GALNT5: variants seen among roughly 807,000 people sequenced by gnomAD.
GALNT5 encodes the protein UDP-GalNAc:polypeptide N-acetylgalactosaminyltransferase 5.
A neutral mutation model predicts 85.4 loss-of-function variants in GALNT5; 72 were observed. The ratio of observed to expected loss-of-function variants is 0.84; its 90% confidence interval spans 0.70 to 1.03. The LOEUF is 1.03. GALNT5 is among the 50% of genes least tolerant of loss of function. The pLI, the probability that GALNT5 is intolerant of heterozygous loss-of-function variation, is 0.00. For synonymous variants in GALNT5, 404 were observed against 397.0 expected, an observed-to-expected ratio of 1.02 and a Z score of -0.21; for missense variants, 1,137 against 1,135.5, an observed-to-expected ratio of 1.00 and a Z score of -0.02.
At chr2:157,272,748 T>C (rs1682618133) in intron 1 of GALNT5, among the ~76,000 whole-genome samples, 1 of 152,242 alleles carries the variant, frequency 6.6e-6, no homozygotes, top group Non-Finnish European at 1.5e-5. Flanking sequence ...ATGATATATA[T>C]GTATCACATT....
At chr2:157,304,267 C>T (rs1683407720) in intron 7 of GALNT5, among the ~76,000 whole-genome samples, 1 of 152,174 alleles carries the variant, frequency 6.6e-6, no homozygotes, top group Non-Finnish European at 1.5e-5. Context: ...TGAGCTGTCT[C>T]CTCCCATATT....
Position 157,308,733 on chromosome 2 carries a change from G to A in GALNT5, c.2682+5G>A. 1 of 1,605,004 alleles carries A rather than the reference G, an allele frequency of 6.2e-7. No individual in the cohort carries two copies. Among genetic ancestry groups the A allele is most frequent in the Non-Finnish European group, 8.5e-7 (1 of 1,176,350 alleles). On this transcript the variant is annotated splice_donor_5th_base_variant and intron_variant, in intron 9 of 9. Transcript: ENST00000259056. ...TCAGTCTTTCATCCAGAACTGGTAAGCAAAAGATTGGTACCTCTTCTTTAC... is the reference window on the plus strand; with the variant it reads ...TCAGTCTTTCATCCAGAACTGGTAAACAAAAGATTGGTACCTCTTCTTTAC...
At position 157,311,223 on chromosome 2, in the gene GALNT5, T is replaced by C; in HGVS notation, c.2698T>C (p.Phe900Leu). The stretch of plus-strand genomic sequence containing the variant: ...TTCTCTCCAGGTGAATCACATTGTT[T>C]TTGAAAACAATCAGCAATTATTATG... ...FHPELVNHIV[F>L]ENNQQLLCLE... The change falls in exon 10 of 10, where the codon TTT becomes CTT. Residue 900 changes from phenylalanine (F) to leucine (L), a missense_variant. Phe to Leu is a conservative substitution (Grantham distance 22). Coordinates refer to ENST00000259056, the MANE Select transcript of GALNT5 (RefSeq NM_014568.3). 5 of 1,611,134 alleles carry C rather than the reference T, an allele frequency of 3.1e-6. No individual in the cohort carries two copies. The highest frequency in any genetic ancestry group is 4.2e-6 in the Non-Finnish European group (5 of 1,178,206).
At chr2:157,291,626 A>ACC (rs1426477777) in intron 3 of GALNT5, among the ~76,000 whole-genome samples, 12 of 67,394 alleles carry the variant, frequency 1.8e-4, no homozygotes, top group South Asian at 7.8e-4. Context: ...GTTTTATGTT[A>ACC]CCACCCACCC....
intron 8 of GALNT5, among the ~76,000 whole-genome samples, chr2:157,306,434 C>T (rs765253109): frequency 1.3e-5 from 2 of 152,132 alleles, no homozygotes; most frequent in African/African-American, 2.4e-5. Flanking sequence ...AAACTCAGAG[C>T]GCAATGGTTA....
intron 7 of GALNT5, among the ~76,000 whole-genome samples, chr2:157,302,796 T>C (rs1192232443): frequency 6.6e-6 from 1 of 152,198 alleles, no homozygotes; most frequent in Non-Finnish European, 1.5e-5. Flanking sequence ...CGCTATACTA[T>C]ATCAAAATGC....
At chr2:157,259,685 C>A in intron 1 of GALNT5, 149 bp downstream of exon 1, 2 of 569,108 alleles carry the variant, frequency 3.5e-6, no homozygotes, top group Non-Finnish European at 5.4e-6. Flanking sequence ...AATATTTCAC[C>A]AGCTACAGAG....
intron 1 of GALNT5, among the ~76,000 whole-genome samples, chr2:157,271,507 G>A (rs1682584400): frequency 6.6e-6 from 1 of 152,214 alleles, no homozygotes. Context: ...ATGCTCAAGA[G>A]CTAGGGGAGG....
intron 1 of GALNT5, among the ~76,000 whole-genome samples, chr2:157,281,327 A>G (rs972474054): frequency 6.6e-6 from 1 of 152,208 alleles, no homozygotes; most frequent in African/African-American, 2.4e-5. Flanking sequence ...GGCCTCCCAG[A>G]GTGCTGGGAT....
At position 157,296,402 on chromosome 2, in the gene GALNT5, C is replaced by G. The variant is rs1415536033; in HGVS notation, c.1886C>G (p.Thr629Arg). ...VINDKDMSYM[T>R]VDNFQRGIFV... Reference sequence around the variant, plus strand: ...TTCATTTCCTGGATTAGTTACATGACAGTGGATAACTTTCAAAGAGGCATC... The same window carrying G: ...TTCATTTCCTGGATTAGTTACATGAGAGTGGATAACTTTCAAAGAGGCATC... The change falls in exon 5 of 10, where the codon ACA becomes AGA. Residue 629 changes from threonine (T) to arginine (R), a missense_variant. Thr to Arg is a moderately conservative substitution (Grantham distance 71, BLOSUM62 -1). Coordinates refer to ENST00000259056, the MANE Select transcript of GALNT5 (RefSeq NM_014568.3). 1.2e-6 allele frequency: 2 copies of G among 1,608,116 alleles called. No homozygotes were observed. Among genetic ancestry groups the G allele is most frequent in the East Asian group, 2.2e-5 (1 of 44,788 alleles).
At chr2:157,303,597 A>T (rs758464751) in intron 7 of GALNT5, among the ~76,000 whole-genome samples, 3 of 152,212 alleles carry the variant, frequency 2.0e-5, no homozygotes, top group Non-Finnish European at 4.4e-5. Context: ...GAAATGAAGA[A>T]TAACAATTCC....
At chr2:157,270,212 C>A (rs997328338) in intron 1 of GALNT5, among the ~76,000 whole-genome samples, 5 of 152,160 alleles carry the variant, frequency 3.3e-5, no homozygotes, top group African/African-American at 1.2e-4. Flanking sequence ...CTCTTTCTAC[C>A]TCATGTGCTC....
At chr2:157,278,712 G>T (rs192502890) in intron 1 of GALNT5, among the ~76,000 whole-genome samples, 28 of 152,222 alleles carry the variant, frequency 1.8e-4, no homozygotes, top group Non-Finnish European at 1.8e-4. Flanking sequence ...TTAGCCATTC[G>T]TCTAGTGTTT....
At chr2:157,260,471 T>C (rs894754358) in intron 1 of GALNT5, among the ~76,000 whole-genome samples, 4 of 152,200 alleles carry the variant, frequency 2.6e-5, no homozygotes, top group African/African-American at 7.2e-5. Flanking sequence ...TCAAATATAA[T>C]TGGGTTCCTG....
At chr2:157,294,849 C>T (rs1312944973) in intron 3 of GALNT5, among the ~76,000 whole-genome samples, 1 of 150,898 alleles carries the variant, frequency 6.6e-6, no homozygotes, top group East Asian at 1.9e-4. Flanking sequence ...TCCTCTGGAG[C>T]AATGTAGATG....
chr2:157,292,795 T>C lies in GALNT5; in HGVS notation c.1742-2868T>C, dbSNP rs1240237754. On this transcript the variant is annotated intron_variant, in intron 3 of 9. Transcript: ENST00000259056. ...ATCTCTGCTCACTGCAACCTCCGCC[T>C]CCTGGGTTCAAGTGATTCTCCTGCC... is the stretch of plus-strand genomic sequence containing the variant. Among the ~76,000 whole-genome samples the C allele has an allele frequency of 2.6e-5, 4 of 152,044 alleles. No homozygotes were observed. In the East Asian group the frequency reaches 7.7e-4, roughly 29 times the overall value.
chr2:157,281,362 T>A (rs1369715671), intron 1 of GALNT5, among the ~76,000 whole-genome samples: 1 of 152,186 alleles, frequency 6.6e-6, no homozygotes. Context: ...CAGGTGGATT[T>A]CTTTGTAGCA....
chr2:157,272,878 T>C (rs912855944), intron 1 of GALNT5, among the ~76,000 whole-genome samples: 9 of 152,210 alleles, frequency 5.9e-5, no homozygotes, highest in African/African-American at 1.9e-4. Context: ...TACCTAGTAA[T>C]TGGATTGCTT....
chr2:157,274,180 C>T (rs556891878), intron 1 of GALNT5, among the ~76,000 whole-genome samples: 13 of 152,288 alleles, frequency 8.5e-5, no homozygotes, highest in African/African-American at 3.1e-4. Flanking sequence ...CATAGTATTC[C>T]ATGGTGTATA....
Sources: gnomAD v4.1 joint callset for allele counts (sites outside exome capture counted in the v4.1 genomes callset) on GRCh38, gnomAD v4.1.1 for gene constraint, MANE v1.5 for transcripts, NCBI Gene and HGNC (gene_info 2026-07-23, HGNC 2026-07-21) for gene names.